Variants in NFATC3 observed in about 807,000 individuals in gnomAD.
NFATC3 encodes the protein nuclear factor of activated T-cells, cytoplasmic 3.
A neutral mutation model predicts 98.6 loss-of-function variants in NFATC3; 46 were observed. That is an observed-to-expected ratio of 0.47 (90% CI 0.37 to 0.60). The LOEUF is 0.60. Among genes scored for constraint, NFATC3 ranks in the 20% least tolerant of loss-of-function variants. The pLI, the probability that NFATC3 is intolerant of heterozygous loss-of-function variation, is 0.00. For synonymous variants in NFATC3, 512 were observed against 472.2 expected, an observed-to-expected ratio of 1.08 and a Z score of -1.09; for missense variants, 1,256 against 1,295.5, an observed-to-expected ratio of 0.97 and a Z score of 0.47.
At chr16:68,201,162 C>G (rs2040894529) in intron 9 of NFATC3, among the ~76,000 whole-genome samples, 1 of 152,000 alleles carries the variant, frequency 6.6e-6, no homozygotes, top group Admixed American at 6.6e-5. Context: ...GAACTCCTGA[C>G]CTCAAGCGAT....
In NFATC3 at chr16:68,122,808, A is replaced by T; in HGVS notation, c.925A>T (p.Thr309Ser). Residue 309 changes from threonine to serine, a missense_variant, in exon 2 of 10, where the codon ACG becomes TCG. Physicochemically the swap from Thr to Ser is moderately conservative, Grantham distance 58 (BLOSUM62 1). This residue lies in a region of NFATC3 where 464 missense variants were observed against 465.7 expected (regional missense o/e 1.00). Coordinates refer to ENST00000346183, the MANE Select transcript of NFATC3 (RefSeq NM_173165.3). ...HSPRGSVTEDTWLNASVHGGS... is the reference protein window; with the variant it reads ...HSPRGSVTEDSWLNASVHGGS... Reference sequence around the variant, plus strand: ...CCCCAGGGGAAGTGTGACAGAAGATACGTGGCTCAATGCTTCTGTCCATGG... The same window carrying T: ...CCCCAGGGGAAGTGTGACAGAAGATTCGTGGCTCAATGCTTCTGTCCATGG... 6.2e-7 allele frequency: 1 copy of T among 1,614,280 alleles called. No individual in the cohort carries two copies. Among genetic ancestry groups the T allele is most frequent in the Non-Finnish European group, 8.5e-7 (1 of 1,180,046 alleles).
At chr16:68,100,908 GTGTGTGT>G (rs2035312965) in intron 1 of NFATC3, among the ~76,000 whole-genome samples, 1 of 102,948 alleles carries the variant, frequency 9.7e-6, no homozygotes, top group African/African-American at 5.0e-5. Context: ...TGTGTGTGGG[GTGTGTGT>G]GTGTGTGTGT....
intron 1 of NFATC3, among the ~76,000 whole-genome samples, chr16:68,087,362 A>G (rs2034440864): frequency 6.6e-6 from 1 of 152,342 alleles, no homozygotes; most frequent in East Asian, 1.9e-4. Context: ...AACATTTCAA[A>G]GCTATGAAAA....
intron 8 of NFATC3, among the ~76,000 whole-genome samples, chr16:68,189,960 G>A (rs1365675020): frequency 6.6e-6 from 1 of 152,164 alleles, no homozygotes; most frequent in Non-Finnish European, 1.5e-5. Flanking sequence ...GGAGGCTGAG[G>A]TGGGAGGATC....
At chr16:68,191,975 G>C in intron 9 of NFATC3, 200 bp downstream of exon 9, 1 of 557,126 alleles carries the variant, frequency 1.8e-6, no homozygotes, top group Non-Finnish European at 3.1e-6. Flanking sequence ...TTGGAAGGCT[G>C]AGGCGGGTGG....
At chr16:68,195,757 G>T (rs191833381) in intron 9 of NFATC3, among the ~76,000 whole-genome samples, 2 of 152,132 alleles carry the variant, frequency 1.3e-5, no homozygotes, top group Non-Finnish European at 2.9e-5. Context: ...GCAGTGAGCC[G>T]AGATTGGGCC....
chr16:68,200,894 G>A (rs554082781), intron 9 of NFATC3: 1 of 152,132 alleles, frequency 6.6e-6, no homozygotes, highest in Non-Finnish European at 1.5e-5. Flanking sequence ...CATTAAAACA[G>A]TTGATTTTAT....
At position 68,183,354 on chromosome 16, in the gene NFATC3, A is replaced by G; in HGVS notation, c.2086A>G (p.Thr696Ala). 2 of 1,612,964 alleles carry G rather than the reference A, an allele frequency of 1.2e-6. No individual in the cohort carries two copies. The highest frequency in any genetic ancestry group is 2.2e-5 in the East Asian group (1 of 44,872). ...GAAAAAAAGCCAGTCTCAACGTTTTACTTATACACCAGGTACGAGGAGTCA... is the reference window on the plus strand; with the variant it reads ...GAAAAAAAGCCAGTCTCAACGTTTTGCTTATACACCAGGTACGAGGAGTCA... ...KRKKSQSQRF[T>A]YTPVLMKQEH... The change falls in exon 8 of 10, where the codon ACT becomes GCT. Residue 696 changes from threonine (T) to alanine (A), a missense_variant. Transcript: ENST00000346183.
At chr16:68,089,981 G>A (rs957408741) in intron 1 of NFATC3, among the ~76,000 whole-genome samples, 1 of 152,062 alleles carries the variant, frequency 6.6e-6, no homozygotes, top group Non-Finnish European at 1.5e-5. Flanking sequence ...AAGTTTACTC[G>A]ATGATAAGAT....
At chr16:68,138,156 C>G (rs2037544917) in intron 3 of NFATC3, among the ~76,000 whole-genome samples, 1 of 152,026 alleles carries the variant, frequency 6.6e-6, no homozygotes, top group African/African-American at 2.4e-5. Flanking sequence ...CTGCCTCAAC[C>G]TCCCAAGTAG....
At chr16:68,137,559 C>T (rs1250169358) in intron 3 of NFATC3, among the ~76,000 whole-genome samples, 2 of 151,790 alleles carry the variant, frequency 1.3e-5, no homozygotes, top group African/African-American at 2.4e-5. Context: ...TTCTGTTTTA[C>T]CATATTACTT....
At chr16:68,105,178 C>G (rs1483243800) in intron 1 of NFATC3, among the ~76,000 whole-genome samples, 1 of 150,058 alleles carries the variant, frequency 6.7e-6, no homozygotes, top group Non-Finnish European at 1.5e-5. Context: ...GCAGTCTTCA[C>G]CTCCCAGGGT....
intron 4 of NFATC3, among the ~76,000 whole-genome samples, chr16:68,160,083 C>T (rs1403087979): frequency 6.6e-6 from 1 of 151,924 alleles, no homozygotes; most frequent in Non-Finnish European, 1.5e-5. Flanking sequence ...AAAGAAACCC[C>T]AAAAAATCAG....
intron 9 of NFATC3, among the ~76,000 whole-genome samples, chr16:68,219,087 C>T (rs1299223922): frequency 6.7e-6 from 1 of 149,510 alleles, no homozygotes; most frequent in Non-Finnish European, 1.5e-5. Context: ...CTATCCTCCC[C>T]AAAAATAAAT....
intron 3 of NFATC3, 64 bp downstream of exon 3, chr16:68,126,674 T>A: frequency 1.3e-6 from 2 of 1,526,260 alleles, no homozygotes; most frequent in Non-Finnish European, 1.8e-6. Context: ...GACAAGTCTA[T>A]TCAGTTAGGT....
chr16:68,147,209 C>T (rs575861244), intron 3 of NFATC3, among the ~76,000 whole-genome samples: 7 of 152,210 alleles, frequency 4.6e-5, no homozygotes, highest in African/African-American at 1.7e-4. Context: ...GACTAGGATT[C>T]TTTGGTATAG....
chr16:68,170,360 A>G (rs527362488), intron 5 of NFATC3, among the ~76,000 whole-genome samples: 54 of 146,430 alleles, frequency 3.7e-4, no homozygotes, highest in Non-Finnish European at 7.1e-4. Context: ...GTTGTACTTC[A>G]TCCTGGCAAC....
At chr16:68,189,398 C>CTTT (rs1180086200) in intron 8 of NFATC3, 6 of 214,420 alleles carry the variant, frequency 2.8e-5, no homozygotes, top group Non-Finnish European at 2.0e-5. Context: ...GTGCCCATAC[C>CTTT]TGGTTTATGC....
At chr16:68,209,881 T>C (rs2041305991) in intron 9 of NFATC3, 1 of 253,220 alleles carries the variant, frequency 3.9e-6, no homozygotes, top group Admixed American at 4.9e-5. Context: ...ACAGTCACAC[T>C]CACTCTGGGC....
Sources: allele counts gnomAD v4.1 joint callset (sites outside exome capture counted in the v4.1 genomes callset), GRCh38; gene constraint gnomAD v4.1.1; regional missense constraint gnomAD v4.1.1; transcripts MANE v1.5; gene names NCBI Gene and HGNC (gene_info 2026-07-23, HGNC 2026-07-21).